RYR2: variants seen among roughly 807,000 people sequenced by gnomAD.
RYR2 encodes the protein cardiac muscle ryanodine receptor-calcium release channel.
In RYR2, 227 loss-of-function variants were observed where a neutral mutation model predicts 601.1. The ratio of observed to expected loss-of-function variants is 0.38; its 90% CI spans 0.34 to 0.42. The LOEUF (loss-of-function observed/expected upper bound fraction) is 0.42. RYR2 is among the 10% of genes least tolerant of loss of function. RYR2 has a pLI of 1.00. For synonymous variants in RYR2, 2,223 were observed against 2,175.1 expected (o/e 1.02, Z -0.61); for missense variants, 4,646 against 6,156.5 (o/e 0.75, Z 8.21).
At chr1:237,112,719 C>A (rs1051380583) in intron 1 of RYR2, among the ~76,000 whole-genome samples, 3 of 152,110 alleles carry the variant, frequency 2.0e-5, no homozygotes, top group Non-Finnish European at 2.9e-5. Flanking sequence ...TTTTAGGGCT[C>A]CACTTTTGTT....
chr1:237,705,610 T>C (rs1350846340), intron 67 of RYR2, among the ~76,000 whole-genome samples: 2 of 152,090 alleles, frequency 1.3e-5, no homozygotes, highest in Non-Finnish European at 2.9e-5. Context: ...TGTGTGTTGA[T>C]TGTGAGAGCT....
At chr1:237,369,261 T>C (rs1008756234) in intron 5 of RYR2, among the ~76,000 whole-genome samples, 1 of 152,178 alleles carries the variant, frequency 6.6e-6, no homozygotes, top group African/African-American at 2.4e-5. Context: ...TTAAGTACAT[T>C]ATGAGTAAAT....
intron 1 of RYR2, among the ~76,000 whole-genome samples, chr1:237,088,456 C>T (rs533775139): frequency 2.6e-5 from 4 of 152,158 alleles, no homozygotes; most frequent in Non-Finnish European, 5.9e-5. Context: ...TATTGGATGC[C>T]TCCTGGAAGT....
In RYR2 at chr1:237,183,757, A is replaced by G. The variant is rs954343955; in HGVS notation, c.49-86740A>G. Reference sequence around the variant, plus strand: ...ACACATGAACACAATATTTTGTCTCATCCTTTGTTCAATTTAGAGACTGAC... The same window carrying G: ...ACACATGAACACAATATTTTGTCTCGTCCTTTGTTCAATTTAGAGACTGAC... On this transcript the variant is annotated intron_variant, in intron 1 of 104. Coordinates refer to ENST00000366574, the MANE Select transcript of RYR2 (RefSeq NM_001035.3). Among the ~76,000 whole-genome samples, 8 of 152,318 alleles carry G rather than the reference A, an allele frequency of 5.3e-5. No individual in the cohort carries two copies. The East Asian group carries it at 1.5e-3, about 29-fold the overall frequency.
intron 89 of RYR2, among the ~76,000 whole-genome samples, chr1:237,781,957 T>G (rs1285925748): frequency 1.3e-5 from 2 of 152,178 alleles, no homozygotes; most frequent in African/African-American, 4.8e-5. Context: ...AGTGTGTTTG[T>G]CCATAATCAG....
At chr1:237,044,054 T>C (rs1017756468) in intron 1 of RYR2, among the ~76,000 whole-genome samples, 30 of 152,300 alleles carry the variant, frequency 2.0e-4, no homozygotes, top group African/African-American at 6.7e-4. Flanking sequence ...TTATGCACCA[T>C]TGCATATGCT....
intron 14 of RYR2, among the ~76,000 whole-genome samples, chr1:237,451,974 G>A (rs1440839785): frequency 1.0e-5 from 1 of 96,946 alleles, no homozygotes; most frequent in Non-Finnish European, 2.6e-5. Context: ...GTAGTACTGT[G>A]TGTGTATGTG....
intron 1 of RYR2, among the ~76,000 whole-genome samples, chr1:237,199,871 A>G (rs1680985838): frequency 6.6e-6 from 1 of 152,162 alleles, no homozygotes; most frequent in South Asian, 2.1e-4. Context: ...AAATTAAATG[A>G]TATGTTATCT....
chr1:237,585,514 C>G lies in RYR2; in HGVS notation c.3599-4279C>G, dbSNP rs531538250. ...GAGGCCTGGCCCTTTCTCTGTGTGG[C>G]AGCTGAACAGTACCTGTAGTTTTTC... On this transcript the variant is annotated intron_variant, in intron 29 of 104. Coordinates refer to ENST00000366574, the MANE Select transcript of RYR2 (RefSeq NM_001035.3). 1.1e-4 allele frequency among the ~76,000 whole-genome samples: 16 copies of G among 152,288 alleles called. No homozygotes were observed. The South Asian group carries it at 3.3e-3, about 32-fold the overall frequency.
At chr1:237,544,002 T>C (rs962380171) in intron 25 of RYR2, among the ~76,000 whole-genome samples, 2 of 152,318 alleles carry the variant, frequency 1.3e-5, no homozygotes, top group Middle Eastern at 3.4e-3. Context: ...TGTTTTGTTT[T>C]GTTTTCAGAG....
In RYR2 at chr1:237,377,364, C is replaced by T. The variant is rs749930577; in HGVS notation, c.505C>T (p.Arg169Ter). The change falls in exon 8 of 105, where the codon CGA (arginine) becomes TGA (stop). Residue 169 changes from arginine to a stop codon, truncating the protein, a stop_gained. Transcript: ENST00000366574. LOFTEE classifies it high-confidence loss of function. ...GACCATACACCCTGCCTCTAAGCAG[C>T]GATCAGAAGGAGAAAAAGTACGAGT... Reference protein sequence around the residue: ...WWTIHPASKQRSEGEKVRVGD... With the variant: ...WWTIHPASKQ 2.5e-6 allele frequency: 4 copies of T among 1,613,214 alleles called. No individual in the cohort carries two copies. The highest frequency in any genetic ancestry group is 1.3e-5 in the African/African-American group (1 of 74,864).
intron 10 of RYR2, among the ~76,000 whole-genome samples, chr1:237,396,464 G>A (rs2149900000): frequency 6.6e-6 from 1 of 152,278 alleles, no homozygotes; most frequent in South Asian, 2.1e-4. Flanking sequence ...TAGAGAATTT[G>A]CATACTTGCC....
rs1678221989 is a variant in RYR2, at chr1:237,614,300, G to A, written c.5172G>A (p.Glu1724=). The A allele has an allele frequency of 6.2e-7, 1 of 1,614,004 alleles. No individual in the cohort carries two copies. Among genetic ancestry groups the A allele is most frequent in the Non-Finnish European group, 8.5e-7 (1 of 1,179,900 alleles). The change falls in exon 37 of 105, where the codon GAG becomes GAA. Residue 1724 remains glutamate (E), a synonymous_variant. Coordinates refer to ENST00000366574, the MANE Select transcript of RYR2 (RefSeq NM_001035.3). The surrounding 1 kb of genome is among the most constrained non-coding windows in gnomAD (Gnocchi z 4.3). The part of the protein sequence containing the change: ...YATARLMMNN[E]YIVPMTEETK... ...CTGCCAGGCTCATGATGAACAACGA[G>A]TACATTGTCCCCATGACGGAGGAGA...
chr1:237,579,356 A>C (rs1469781553), intron 29 of RYR2, among the ~76,000 whole-genome samples: 1 of 148,142 alleles, frequency 6.8e-6, no homozygotes, highest in Non-Finnish European at 1.5e-5. Context: ...TCCTGAGTTC[A>C]AGCGATTCTC....
At chr1:237,369,161 A>G (rs1024506323) in intron 5 of RYR2, among the ~76,000 whole-genome samples, 1 of 152,162 alleles carries the variant, frequency 6.6e-6, no homozygotes, top group Non-Finnish European at 1.5e-5. Context: ...TATGTTCCGC[A>G]TGCAGGTAGG....
intron 3 of RYR2, among the ~76,000 whole-genome samples, chr1:237,346,619 G>A (rs1185535403): frequency 6.6e-6 from 1 of 151,984 alleles, no homozygotes; most frequent in Non-Finnish European, 1.5e-5. Context: ...GTACTGAGTC[G>A]GCTTCATTGT....
chr1:237,581,184 G>A (rs10802622), intron 29 of RYR2, among the ~76,000 whole-genome samples: 45,457 of 152,074 alleles, frequency 0.3, 7,270 homozygotes, highest in East Asian at 0.61. Context: ...GTAAAAGAAC[G>A]GTTATTTATG....
intron 100 of RYR2, among the ~76,000 whole-genome samples, chr1:237,815,087 A>T (rs1303697352): frequency 1.3e-5 from 2 of 148,556 alleles, no homozygotes; most frequent in Admixed American, 1.4e-4. Context: ...TCTGTTTAGG[A>T]GACGGATGAG....
chr1:237,249,560 TTAA>T (rs746700446), intron 1 of RYR2, among the ~76,000 whole-genome samples: 15 of 152,080 alleles, frequency 9.9e-5, no homozygotes, highest in Admixed American at 2.0e-4. Flanking sequence ...TTTTTATTTT[TTAA>T]TAAATGAGAT....
Sources: allele counts gnomAD v4.1 joint callset (sites outside exome capture counted in the v4.1 genomes callset), GRCh38; gene constraint gnomAD v4.1.1; non-coding constraint Gnocchi (gnomAD v3.1); transcripts MANE v1.5; gene names NCBI Gene and HGNC (gene_info 2026-07-23, HGNC 2026-07-21).